NCOA7: variants seen among roughly 807,000 people sequenced by gnomAD.
NCOA7 encodes 140 kDa estrogen receptor-associated protein.
In NCOA7, 45 loss-of-function variants were observed where a neutral mutation model predicts 104.3. That is an observed-to-expected ratio of 0.43 (90% CI 0.34 to 0.55). The LOEUF (loss-of-function observed/expected upper bound fraction) is 0.55. Among genes scored for constraint, NCOA7 ranks in the 20% least tolerant of loss-of-function variants. The pLI is 0.02. For synonymous variants in NCOA7, 398 were observed against 402.3 expected (o/e 0.99, Z 0.13); for missense variants, 1,041 against 1,119.7 (o/e 0.93, Z 1.00).
chr6:125,794,836 C>T (rs977992102), intron 1 of NCOA7, among the ~76,000 whole-genome samples: 4 of 152,244 alleles, frequency 2.6e-5, no homozygotes, highest in Non-Finnish European at 4.4e-5. Flanking sequence ...CTGCCTTAAA[C>T]GCTATATAGG....
intron 8 of NCOA7, among the ~76,000 whole-genome samples, chr6:125,886,911 C>A (rs932769331): frequency 1.3e-5 from 2 of 152,242 alleles, no homozygotes; most frequent in African/African-American, 4.8e-5. Context: ...CGCGTGCACA[C>A]ACGTGCAGGA....
chr6:125,874,341 A>G (rs559350881), intron 3 of NCOA7, among the ~76,000 whole-genome samples: 1 of 152,316 alleles, frequency 6.6e-6, no homozygotes. Context: ...AAGCCCGAAA[A>G]ATAGTAAAAT....
intron 10 of NCOA7, chr6:125,913,599 TATACACTG>T: frequency 1.1e-6 from 1 of 928,306 alleles, no homozygotes; most frequent in Non-Finnish European, 1.3e-6. Flanking sequence ...TAACATGTCA[TATACACTG>T]ATACACACCT....
chr6:125,849,806 G>GT (rs1365397419), intron 2 of NCOA7, among the ~76,000 whole-genome samples: 2 of 152,016 alleles, frequency 1.3e-5, no homozygotes, highest in Non-Finnish European at 2.9e-5. Context: ...AAGGTTTTGG[G>GT]TTTTTTTCCC....
intron 3 of NCOA7, among the ~76,000 whole-genome samples, chr6:125,867,490 CAA>C (rs1782532689): frequency 6.6e-6 from 1 of 152,196 alleles, no homozygotes. Flanking sequence ...CTTAATTTCT[CAA>C]GAGACGTTGA....
At chr6:125,880,223 T>G (rs557033280) in intron 5 of NCOA7, among the ~76,000 whole-genome samples, 1 of 152,304 alleles carries the variant, frequency 6.6e-6, no homozygotes, top group African/African-American at 2.4e-5. Context: ...TGATATTACC[T>G]TATACAATTT....
In NCOA7 at chr6:125,878,253, A is replaced by T. The variant is rs113804704; in HGVS notation, c.352-10A>T. On this transcript the variant is annotated splice_polypyrimidine_tract_variant and intron_variant, in intron 4 of 15. Coordinates refer to ENST00000392477, the MANE Select transcript of NCOA7 (RefSeq NM_181782.5). ...TTATTTATTGACTCTTACCTGTTTG[A>T]TTATTCTAGGCTGGAAACCAGGACA... is the stretch of plus-strand genomic sequence containing the variant. The T allele has an allele frequency of 1.4e-5, 22 of 1,592,906 alleles. No individual in the cohort carries two copies. Among genetic ancestry groups the T allele is most frequent in the Middle Eastern group, 3.4e-4 (2 of 5,962 alleles).
intron 2 of NCOA7, among the ~76,000 whole-genome samples, chr6:125,852,921 G>A (rs1159084324): frequency 6.6e-6 from 1 of 151,994 alleles, no homozygotes; most frequent in African/African-American, 2.4e-5. Context: ...CTCTTTTTTG[G>A]TTCCATATGA....
chr6:125,827,847 G>A (rs1393395724), intron 2 of NCOA7, among the ~76,000 whole-genome samples: 1 of 152,232 alleles, frequency 6.6e-6, no homozygotes, highest in East Asian at 1.9e-4. Flanking sequence ...GGTAGGCTGA[G>A]GCAGATCATG....
intron 1 of NCOA7, chr6:125,796,922 G>A (rs1331212784): frequency 6.6e-6 from 1 of 152,290 alleles, no homozygotes; most frequent in Non-Finnish European, 1.5e-5. Flanking sequence ...TTCCATGGAT[G>A]CAGAACCCAT....
chr6:125,801,916 A>G (rs1775925787), intron 1 of NCOA7, among the ~76,000 whole-genome samples: 1 of 152,220 alleles, frequency 6.6e-6, no homozygotes, highest in Admixed American at 6.5e-5. Flanking sequence ...GAATGCTATA[A>G]TTTAACCTAT....
chr6:125,799,643 G>C (rs565116908), intron 1 of NCOA7, among the ~76,000 whole-genome samples: 1 of 151,846 alleles, frequency 6.6e-6, no homozygotes, highest in Non-Finnish European at 1.5e-5. Context: ...GGTTTCACCT[G>C]GTTGGTCAGG....
At chr6:125,921,980 T>C (rs1039421603) in intron 12 of NCOA7, among the ~76,000 whole-genome samples, 1 of 152,176 alleles carries the variant, frequency 6.6e-6, no homozygotes, top group Admixed American at 6.5e-5. Flanking sequence ...ATCATTAAGT[T>C]TGGCTCCCTA....
intron 1 of NCOA7, among the ~76,000 whole-genome samples, chr6:125,795,926 C>A (rs1775279431): frequency 6.6e-6 from 1 of 151,116 alleles, no homozygotes; most frequent in African/African-American, 2.4e-5. Context: ...GTTTGTGGAC[C>A]CCCAAGTTAA....
intron 10 of NCOA7, among the ~76,000 whole-genome samples, chr6:125,907,438 T>C (rs1786121444): frequency 6.6e-6 from 1 of 152,150 alleles, no homozygotes; most frequent in Non-Finnish European, 1.5e-5. Context: ...ACGGGCTGGC[T>C]CCGGTGGTGC....
chr6:125,922,014 C>A (rs995037867), intron 12 of NCOA7, among the ~76,000 whole-genome samples: 3 of 152,132 alleles, frequency 2.0e-5, no homozygotes, highest in African/African-American at 7.2e-5. Context: ...CCAGTAAAGA[C>A]CCAAGACAGC....
chr6:125,791,552 A>G (rs1490271192), intron 1 of NCOA7, among the ~76,000 whole-genome samples: 1 of 152,220 alleles, frequency 6.6e-6, no homozygotes, highest in African/African-American at 2.4e-5. Flanking sequence ...GCTAGTTGGT[A>G]TATAAAATCG....
chr6:125,847,479 A>G (rs547741938), intron 2 of NCOA7, among the ~76,000 whole-genome samples: 121 of 152,336 alleles, frequency 7.9e-4, no homozygotes, highest in Admixed American at 3.1e-3. Context: ...AAAAGTGTGC[A>G]TTTTTCAAAA....
chr6:125,811,672 G>C (rs1145988), intron 1 of NCOA7, among the ~76,000 whole-genome samples: 8,128 of 152,178 alleles, frequency 0.053, 697 homozygotes, highest in African/African-American at 0.18. Context: ...GCTCATGAGA[G>C]TTAGACACTC....
Sources: allele counts gnomAD v4.1 joint callset (sites outside exome capture counted in the v4.1 genomes callset), GRCh38; gene constraint gnomAD v4.1.1; transcripts MANE v1.5; gene names NCBI Gene and HGNC (gene_info 2026-07-23, HGNC 2026-07-21).